The following ARHGEF18 variants were observed in gnomAD, a reference collection of about 807,000 sequenced individuals.
ARHGEF18 encodes Rho/Rac guanine nucleotide exchange factor 18.
In ARHGEF18, 93 loss-of-function variants were observed where a neutral mutation model predicts 155.7. That is an observed-to-expected ratio of 0.60 (90% CI 0.50 to 0.71). The LOEUF (loss-of-function observed/expected upper bound fraction) is 0.71, where lower values mean the gene tolerates loss of function less well. Ranked by LOEUF, ARHGEF18 falls within the 30% of genes least tolerant of loss-of-function variation. The probability of loss-of-function intolerance (pLI) is 0.00; values close to 1 mark genes in which losing one functional copy is unlikely to be tolerated. For missense variants in ARHGEF18, 1,593 were observed against 1,816.1 expected, an observed-to-expected ratio of 0.88 and a Z score of 2.23; for synonymous variants, 742 against 753.1, an observed-to-expected ratio of 0.99 and a Z score of 0.24.
At chr19:7,409,057 C>CTTTT (rs1013156166) in intron 10 of ARHGEF18, among the ~76,000 whole-genome samples, 3 of 115,538 alleles carry the variant, frequency 2.6e-5, no homozygotes, top group South Asian at 2.8e-4. Context: ...GACCCTGTTT[C>CTTTT]TTTTTTTTTT....
intron 2 of ARHGEF18, among the ~76,000 whole-genome samples, chr19:7,370,661 T>C (rs914647819): frequency 2.0e-5 from 3 of 152,078 alleles, no homozygotes; most frequent in Non-Finnish European, 4.4e-5. Flanking sequence ...AGCCAACAGA[T>C]GGAAAGAGCC....
intron 17 of ARHGEF18, 84 bp downstream of exon 17, chr19:7,453,799 A>AT: frequency 6.9e-7 from 1 of 1,444,264 alleles, no homozygotes; most frequent in Non-Finnish European, 9.1e-7. Context: ...ACTGTCTTAG[A>AT]TTAGTGGCAC....
chr19:7,350,953 G>A (rs1056821510), intron 1 of ARHGEF18, among the ~76,000 whole-genome samples: 5 of 151,948 alleles, frequency 3.3e-5, no homozygotes, highest in Non-Finnish European at 7.4e-5. Flanking sequence ...ACAGGCACAC[G>A]CCTCCATGCC....
intron 1 of ARHGEF18, among the ~76,000 whole-genome samples, chr19:7,350,363 C>T (rs974519594): frequency 6.6e-6 from 1 of 152,142 alleles, no homozygotes; most frequent in African/African-American, 2.4e-5. Context: ...ACCTGCAGTT[C>T]TGAGAAAAGA....
intron 22 of ARHGEF18, 74 bp from the exon 23 acceptor site, chr19:7,464,485 CT>C: frequency 6.5e-7 from 1 of 1,533,594 alleles, no homozygotes; most frequent in Admixed American, 2.0e-5. Flanking sequence ...TGGGCAGGGG[CT>C]GGGGGTGGAC....
In ARHGEF18 at chr19:7,467,519, G is replaced by A. The variant is rs1277001611; in HGVS notation, c.3315G>A (p.Glu1105=). ...ARQLRERLEQ[E]RAELERQRQA... Reference sequence around the variant, plus strand: ...AGCTACGCGAGCGGCTGGAGCAGGAGCGGGCCGAGCTGGAGCGCCAGCGCC... The same window carrying A: ...AGCTACGCGAGCGGCTGGAGCAGGAACGGGCCGAGCTGGAGCGCCAGCGCC... The change falls in exon 26 of 29, where the codon GAG becomes GAA. Residue 1105 remains glutamate (E), a synonymous_variant. Transcript: ENST00000668164. 2.1e-6 allele frequency: 3 copies of A among 1,434,960 alleles called. No individual in the cohort carries two copies. Among genetic ancestry groups the A allele is most frequent in the Non-Finnish European group, 2.7e-6 (3 of 1,106,328 alleles). 88.9% of individuals were successfully genotyped at this position (1,434,960 alleles called of 1,614,324 possible).
chr19:7,451,350 C>G (rs1975452338), intron 16 of ARHGEF18, 84 bp downstream of exon 16: 1 of 1,141,578 alleles, frequency 8.8e-7, no homozygotes, highest in South Asian at 1.4e-5. Flanking sequence ...ATTTGAGCAG[C>G]AAACTGAATA....
At chr19:7,388,407 A>G (rs1488878930) in intron 10 of ARHGEF18, among the ~76,000 whole-genome samples, 3 of 151,572 alleles carry the variant, frequency 2.0e-5, no homozygotes, top group Non-Finnish European at 2.9e-5. Flanking sequence ...AAGTGCTCTA[A>G]ACCGATTTCC....
chr19:7,470,394 TC>T lies in ARHGEF18; in HGVS notation c.*100del. ...TGGGGTCACCATGCCCACCCAGCTGTCCCCTCCTCTTCCCTAGCAAACCACT... is the reference window on the plus strand; with the variant it reads ...TGGGGTCACCATGCCCACCCAGCTGTCCCTCCTCTTCCCTAGCAAACCACT... On this transcript the variant is annotated 3_prime_UTR_variant, in exon 29 of 29. Coordinates refer to ENST00000668164, the MANE Select transcript of ARHGEF18 (RefSeq NM_001367823.1). The surrounding 1 kb of genome is among the most constrained non-coding windows in gnomAD (Gnocchi z 5.9). 1.7e-6 allele frequency: 2 copies of T among 1,157,832 alleles called. No homozygotes were observed. The highest frequency in any genetic ancestry group is 2.2e-6 in the Non-Finnish European group (2 of 903,446). 71.7% of individuals were successfully genotyped at this position (1,157,832 alleles called of 1,614,324 possible).
At chr19:7,429,044 G>A (rs1040280316) in intron 10 of ARHGEF18, among the ~76,000 whole-genome samples, 6 of 152,334 alleles carry the variant, frequency 3.9e-5, no homozygotes, top group African/African-American at 1.2e-4. Context: ...GCAGGGGCAC[G>A]CCATGCAGAA....
At chr19:7,478,129 G>A in the ARHGEF18 span, among the ~76,000 whole-genome samples, 219 of 152,332 alleles carry the variant, frequency 1.4e-3, no homozygotes, top group African/African-American at 5.1e-3. Flanking sequence ...TGGAGTCCCC[G>A]CTCAAGCAAG....
chr19:7,442,169 CCTT>C (rs1974700857), intron 13 of ARHGEF18, 117 bp downstream of exon 13: 13 of 948,654 alleles, frequency 1.4e-5, no homozygotes, highest in South Asian at 3.3e-5. Context: ...TTCCTTCCTT[CCTT>C]ATCTTTTTCT....
intron 10 of ARHGEF18, among the ~76,000 whole-genome samples, chr19:7,414,670 A>ATGG: frequency 6.6e-6 from 1 of 152,170 alleles, no homozygotes; most frequent in Non-Finnish European, 1.5e-5. Context: ...TTAGCTGGGC[A>ATGG]TGGTGGTGCG....
At chr19:7,383,326 T>C (rs1970837459) in intron 10 of ARHGEF18, 123 bp downstream of exon 10, 2 of 1,118,404 alleles carry the variant, frequency 1.8e-6, no homozygotes, top group South Asian at 4.5e-5. Context: ...TGCCCTCTCC[T>C]CGGCGGCTCC....
chr19:7,364,210 A>G (rs1848917662), intron 2 of ARHGEF18, among the ~76,000 whole-genome samples: 2 of 151,260 alleles, frequency 1.3e-5, no homozygotes, highest in South Asian at 4.2e-4. Flanking sequence ...GGAAGGAAGG[A>G]AAGAAGGAAG....
chr19:7,458,485 C>A, intron 18 of ARHGEF18, 27 bp from the exon 19 acceptor site: 1 of 1,603,026 alleles, frequency 6.2e-7, no homozygotes, highest in South Asian at 1.1e-5. Flanking sequence ...TAAAGGGTGA[C>A]CTCCCCAATG....
In ARHGEF18 at chr19:7,440,620, C is replaced by A. The variant is rs1974580232; in HGVS notation, c.1106+138C>A. ...AGCCCCCGTGCTAAGCAGAGAAATT[C>A]CCATTAACGCTTGCTTCCAGGATCC... is the stretch of plus-strand genomic sequence containing the variant. On this transcript the variant is annotated intron_variant, in intron 11 of 28. Transcript: ENST00000668164. This position sits in a 1 kb window ranked among gnomAD's most constrained non-coding sequence, Gnocchi z 5.4. 5.1e-6 allele frequency: 6 copies of A among 1,187,730 alleles called. No individual in the cohort carries two copies. Among genetic ancestry groups the A allele is most frequent in the Non-Finnish European group, 6.9e-6 (6 of 873,446 alleles). The allele number at this position is 1,187,730 out of a possible 1,614,324, so 73.6% of individuals were successfully genotyped here. A position where few individuals can be genotyped will look rare whatever the true frequency, so the allele number is the denominator to read the frequency against.
At chr19:7,478,228 G>A in the ARHGEF18 span, 27 of 1,419,664 alleles carry the variant, frequency 1.9e-5, no homozygotes, top group East Asian at 9.7e-5. Flanking sequence ...TCCCCAGCAT[G>A]GGCCTGCACA....
At chr19:7,400,351 CTG>C (rs1190483154) in intron 10 of ARHGEF18, among the ~76,000 whole-genome samples, 1 of 152,070 alleles carries the variant, frequency 6.6e-6, no homozygotes, top group East Asian at 1.9e-4. Context: ...CAGGGTCTTG[CTG>C]TGTTGTCCAG....
Sources: gnomAD v4.1 joint callset for allele counts (sites outside exome capture counted in the v4.1 genomes callset) on GRCh38, gnomAD v4.1.1 for gene constraint, Gnocchi (gnomAD v3.1) non-coding constraint, MANE v1.5 for transcripts, NCBI Gene and HGNC (gene_info 2026-07-23, HGNC 2026-07-21) for gene names.